ABCA1: variants seen among roughly 807,000 people sequenced by gnomAD.
ABCA1 encodes phospholipid-transporting ATPase ABCA1.
In ABCA1, 133 loss-of-function variants were observed where a neutral mutation model predicts 262.5. That is an observed-to-expected ratio of 0.51 (90% CI 0.44 to 0.59). ABCA1 has a LOEUF of 0.59. Among genes scored for constraint, ABCA1 ranks in the 20% least tolerant of loss-of-function variants. The pLI is 0.00. For synonymous variants in ABCA1, 1,022 were observed against 1,043.5 expected (o/e 0.98, Z 0.40); for missense variants, 2,452 against 2,777.5 (o/e 0.88, Z 2.63).
In ABCA1 at chr9:104,857,267, C is replaced by A. The variant is rs751395850; in HGVS notation, c.720+1255G>T. ...GCAGTGAGTCGAGATCGCGCCACTGCACTCCAGCCTGGGCAACAGAGTGAG... is the reference window on the plus strand; with the variant it reads ...GCAGTGAGTCGAGATCGCGCCACTGAACTCCAGCCTGGGCAACAGAGTGAG... On this transcript the variant is annotated intron_variant, in intron 7 of 49. Coordinates refer to ENST00000374736, the MANE Select transcript of ABCA1 (RefSeq NM_005502.4). Among the ~76,000 whole-genome samples the A allele has an allele frequency of 9.9e-5, 15 of 152,148 alleles. 1 individual carries two copies. In the South Asian group the frequency reaches 1.9e-3, roughly 19 times the overall value.
At chr9:104,814,589 T>C in intron 25 of ABCA1, 114 bp from the exon 26 acceptor site, 2 of 1,063,442 alleles carry the variant, frequency 1.9e-6, no homozygotes, top group Non-Finnish European at 2.9e-6. Flanking sequence ...ACAGAGAAAG[T>C]AGAAGCCACA....
chr9:104,834,884 T>C (rs1189516325), intron 11 of ABCA1, among the ~76,000 whole-genome samples: 1 of 152,128 alleles, frequency 6.6e-6, no homozygotes, highest in Non-Finnish European at 1.5e-5. Context: ...AGCCATCACC[T>C]CGTGTAGGAG....
intron 1 of ABCA1, among the ~76,000 whole-genome samples, chr9:104,921,365 G>C (rs539214386): frequency 3.1e-4 from 47 of 152,240 alleles, no homozygotes; most frequent in Admixed American, 6.5e-4. Context: ...TGAAGTTACT[G>C]TTTTTTAAAA....
Position 104,825,871 on chromosome 9 carries a change from A to T in ABCA1, c.2354T>A (p.Val785Glu). The T allele has an allele frequency of 1.9e-6, 3 of 1,614,110 alleles. No homozygotes were observed. Among genetic ancestry groups the T allele is most frequent in the Non-Finnish European group, 8.5e-7 (1 of 1,180,026 alleles). Residue 785 changes from valine to glutamate, a missense_variant, in exon 17 of 50, where the codon GTG (valine) becomes GAG (glutamate). By Grantham distance (121) the Val-to-Glu change is moderately radical. Coordinates refer to ENST00000374736, the MANE Select transcript of ABCA1 (RefSeq NM_005502.4). ...GTACTCACAGCCAAACCCAAAAGCC[A>T]CAGGAGACAGCAGGCTCTGTGAGAA... ...LKIFASLLSP[V>E]AFGFGCEYFA... is the part of the protein sequence containing the mutation.
intron 5 of ABCA1, among the ~76,000 whole-genome samples, chr9:104,862,103 C>A (rs1588436385): frequency 7.0e-6 from 1 of 143,122 alleles, no homozygotes; most frequent in African/African-American, 2.6e-5. Context: ...CTTTCCTTTT[C>A]TTTTTTTTTT....
intron 12 of ABCA1, among the ~76,000 whole-genome samples, chr9:104,832,340 A>G (rs930240326): frequency 2.3e-4 from 35 of 152,234 alleles, no homozygotes; most frequent in African/African-American, 7.7e-4. Flanking sequence ...TTGAGCCTAT[A>G]TAGAATAAGC....
chr9:104,853,939 G>A (rs540178239), intron 7 of ABCA1, among the ~76,000 whole-genome samples: 4 of 152,290 alleles, frequency 2.6e-5, no homozygotes, highest in African/African-American at 9.6e-5. Context: ...ACATTTCATA[G>A]CAAATGCACT....
chr9:104,867,186 C>G (rs1010646185), intron 5 of ABCA1, among the ~76,000 whole-genome samples: 1 of 152,124 alleles, frequency 6.6e-6, no homozygotes, highest in African/African-American at 2.4e-5. Flanking sequence ...CAGCCCAGAT[C>G]AAGAGGAGAG....
chr9:104,824,600 G>A lies in ABCA1; in HGVS notation c.2543-22C>T, dbSNP rs41403644. The A allele has an allele frequency of 1.3e-5, 21 of 1,612,568 alleles. No homozygotes were observed. In the East Asian group the frequency reaches 4.0e-4, roughly 31 times the overall value. On this transcript the variant is annotated intron_variant, in intron 17 of 49. Transcript: ENST00000374736. ...TGGCCTGAAAGCAAAGCACAGGTAT[G>A]AGCCAAGCTCAGCATCATCCCAGTA...
At chr9:104,823,908 T>C (rs540075901) in intron 18 of ABCA1, among the ~76,000 whole-genome samples, 1 of 152,214 alleles carries the variant, frequency 6.6e-6, no homozygotes, top group Non-Finnish European at 1.5e-5. Flanking sequence ...AGGGACCTAT[T>C]AAATATTTAG....
intron 20 of ABCA1, 44 bp from the exon 21 acceptor site, chr9:104,820,113 C>A (rs904343309): frequency 1.2e-6 from 2 of 1,612,378 alleles, no homozygotes; most frequent in Admixed American, 3.3e-5. Flanking sequence ...TACTGGATAC[C>A]CCAGAATACA....
chr9:104,785,969 T>A (rs62566031), intron 48 of ABCA1, among the ~76,000 whole-genome samples: 15,019 of 152,164 alleles, frequency 0.099, 987 homozygotes, highest in East Asian at 0.26. Context: ...GCAAACCCAT[T>A]TGTGTTTGAC....
Position 104,829,132 on chromosome 9 carries a change from C to T in ABCA1, c.1899G>A (p.Leu633=). ...GGGGCATTGACCGGCTCATCACCCG[C>T]AGAAAGCTGGAGGCCCCAAGGAAGG... ...PYPCYVDDIF[L]RVMSRSMPLF... is the part of the protein sequence containing the mutation. The change falls in exon 15 of 50, where the codon CTG becomes CTA. Residue 633 remains leucine (L), a synonymous_variant. Transcript: ENST00000374736. The T allele has an allele frequency of 6.2e-7, 1 of 1,614,134 alleles. No homozygotes were observed. Among genetic ancestry groups the T allele is most frequent in the Non-Finnish European group, 8.5e-7 (1 of 1,180,020 alleles).
chr9:104,799,707 A>G (rs1292770099), intron 36 of ABCA1, 112 bp downstream of exon 36: 3 of 1,599,562 alleles, frequency 1.9e-6, no homozygotes, highest in African/African-American at 1.3e-5. Flanking sequence ...GATTTATCAT[A>G]ATATAACGGT....
intron 5 of ABCA1, among the ~76,000 whole-genome samples, chr9:104,881,229 A>G (rs1248341939): frequency 1.3e-5 from 2 of 152,200 alleles, no homozygotes; most frequent in Non-Finnish European, 2.9e-5. Flanking sequence ...AGTCTGCTTG[A>G]CAACTTACCC....
intron 1 of ABCA1, among the ~76,000 whole-genome samples, chr9:104,920,522 GT>G (rs1842086722): frequency 6.6e-6 from 1 of 152,006 alleles, no homozygotes; most frequent in Non-Finnish European, 1.5e-5. Flanking sequence ...CAAGATTTTT[GT>G]TTTGTTTTGT....
chr9:104,815,645 T>C (rs939328785), intron 25 of ABCA1, among the ~76,000 whole-genome samples: 2 of 152,140 alleles, frequency 1.3e-5, no homozygotes, highest in Admixed American at 6.5e-5. Flanking sequence ...CTGGCACAAG[T>C]AGACTATCCA....
chr9:104,883,019 C>G lies in ABCA1; in HGVS notation c.421+20G>C. On this transcript the variant is annotated intron_variant, in intron 5 of 49. Transcript: ENST00000374736. ...GTCAATTTCCAATTATAAACGGATG[C>G]AGAGAAGGTTTTTACTTACTTGAGC... 1.9e-6 allele frequency: 3 copies of G among 1,583,394 alleles called. No individual in the cohort carries two copies. Among genetic ancestry groups the G allele is most frequent in the Non-Finnish European group, 2.6e-6 (3 of 1,151,960 alleles).
chr9:104,792,695 C>A, intron 42 of ABCA1, 91 bp downstream of exon 42: 4 of 1,572,424 alleles, frequency 2.5e-6, no homozygotes, highest in Non-Finnish European at 3.5e-6. Context: ...AACACATGCC[C>A]TTTTATTAAG....
Sources: gnomAD v4.1 joint callset for allele counts (sites outside exome capture counted in the v4.1 genomes callset) on GRCh38, gnomAD v4.1.1 for gene constraint, MANE v1.5 for transcripts, NCBI Gene and HGNC (gene_info 2026-07-23, HGNC 2026-07-21) for gene names.